Variants in RREB1 observed in about 807,000 individuals in gnomAD.
RREB1 encodes the protein ras-responsive element-binding protein 1.
A neutral mutation model predicts 117.8 loss-of-function variants in RREB1; 27 were observed. The observed-to-expected ratio is 0.23, with a 90% CI of 0.17 to 0.32. The LOEUF is 0.32. RREB1 is among the 10% of genes least tolerant of loss of function. The pLI is 1.00. For missense variants in RREB1, 2,577 were observed against 2,378.2 expected (o/e 1.08, Z -1.74); for synonymous variants, 1,298 against 1,026.7 (o/e 1.26, Z -5.05).
intron 8 of RREB1, chr6:7,219,230 A>G (rs531304613): frequency 7.2e-5 from 11 of 152,032 alleles, no homozygotes; most frequent in African/African-American, 2.2e-4. Flanking sequence ...AGATCGCACC[A>G]CTGCACTCCC....
intron 6 of RREB1, among the ~76,000 whole-genome samples, chr6:7,206,577 C>A (rs1037517252): frequency 2.0e-5 from 3 of 152,146 alleles, no homozygotes; most frequent in African/African-American, 7.2e-5. Context: ...CAGGTTCTTG[C>A]TGTAATGGAA....
chr6:7,215,608 G>A (rs1238351323), intron 8 of RREB1: 1 of 152,230 alleles, frequency 6.6e-6, no homozygotes, highest in East Asian at 1.9e-4. Context: ...CCAAAGTGCT[G>A]GGATTGTAGG....
chr6:7,109,640 G>A (rs562570152), intron 1 of RREB1, among the ~76,000 whole-genome samples: 3 of 152,362 alleles, frequency 2.0e-5, no homozygotes, highest in African/African-American at 7.2e-5. Context: ...TATAAAAGAG[G>A]AGGAAAGTAT....
chr6:7,170,522 G>A (rs1287554867), intron 1 of RREB1, among the ~76,000 whole-genome samples: 1 of 152,188 alleles, frequency 6.6e-6, no homozygotes, highest in African/African-American at 2.4e-5. Flanking sequence ...CACAGGCTTG[G>A]CAACTGCTGT....
Position 7,120,104 on chromosome 6 carries a change from G to C in RREB1, c.-285+12044G>C, listed in dbSNP as rs113999075. Among the ~76,000 whole-genome samples the C allele has an allele frequency of 2.4e-3, 331 of 135,860 alleles. 2 individuals are homozygous for C. Among genetic ancestry groups the C allele is most frequent in the African/African-American group, 7.7e-3 (280 of 36,250 alleles). 89.1% of individuals were successfully genotyped at this position (135,860 alleles called of 152,430 possible). A position where few individuals can be genotyped will look rare whatever the true frequency, so the allele number is the denominator to read the frequency against. On this transcript the variant is annotated intron_variant, in intron 1 of 12. Transcript: ENST00000379938. ...ATTTATGTCCCCACCCCCACCCCCC[G>C]CCCGCCTTTTTTAGCTATTTCTTTA...
At chr6:7,220,373 G>A (rs367623109) in intron 8 of RREB1, among the ~76,000 whole-genome samples, 54 of 152,238 alleles carry the variant, frequency 3.5e-4, no homozygotes, top group African/African-American at 1.2e-3. Context: ...TTTGGATTCC[G>A]TGTGTAATCT....
intron 1 of RREB1, among the ~76,000 whole-genome samples, chr6:7,138,141 AAAG>A (rs747457580): frequency 2.0e-5 from 3 of 152,244 alleles, no homozygotes; most frequent in Admixed American, 6.5e-5. Flanking sequence ...GAAAAAAAGA[AAAG>A]AAAGAAAAAG....
chr6:7,245,907 C>T (rs1051213477), intron 11 of RREB1, among the ~76,000 whole-genome samples: 1 of 152,200 alleles, frequency 6.6e-6, no homozygotes, highest in Non-Finnish European at 1.5e-5. Flanking sequence ...GCATACCATA[C>T]ACACACAACG....
At chr6:7,113,323 A>G (rs1261767994) in intron 1 of RREB1, among the ~76,000 whole-genome samples, 1 of 152,134 alleles carries the variant, frequency 6.6e-6, no homozygotes, top group Non-Finnish European at 1.5e-5. Context: ...GTTTTTCTCT[A>G]GTTTGCTTGG....
At chr6:7,201,955 G>A (rs1374640993) in intron 6 of RREB1, among the ~76,000 whole-genome samples, 5 of 152,010 alleles carry the variant, frequency 3.3e-5, no homozygotes, top group African/African-American at 1.2e-4. Flanking sequence ...ATGTCCATCC[G>A]TTTTAGATAA....
At position 7,147,448 on chromosome 6, in the gene RREB1, G is replaced by A. The variant is rs116682982; in HGVS notation, c.-284-29207G>A. Among the ~76,000 whole-genome samples, 546 of 152,220 alleles carry A rather than the reference G, an allele frequency of 3.6e-3. 4 individuals carry two copies. Among genetic ancestry groups the A allele is most frequent in the African/African-American group, 0.012 (498 of 41,520 alleles). On this transcript the variant is annotated intron_variant, in intron 1 of 12. Coordinates refer to ENST00000379938, the MANE Select transcript of RREB1 (RefSeq NM_001003699.4). ...CTTACTGCCTTTCTTCTCAGGCCAC[G>A]TGTGTAGATAACCTTTGAGGAAAAG...
In RREB1 at chr6:7,182,066, T is replaced by G. The variant is rs766196916; in HGVS notation, c.155T>G (p.Ile52Ser). The G allele has an allele frequency of 5.6e-6, 9 of 1,613,956 alleles. No individual in the cohort carries two copies. In the South Asian group the frequency reaches 9.9e-5, roughly 18 times the overall value. ...SPSKPPGPNR[I>S]GRRNQETKEE... ...TCGAAGCCTCCAGGACCAAATCGGA[T>G]TGGCAGAAGGAACCAGGTAAGTGTT... is the stretch of plus-strand genomic sequence containing the variant. Residue 52 changes from isoleucine to serine, a missense_variant, in exon 4 of 13, where the codon ATT (isoleucine) becomes AGT (serine). By Grantham distance (142) the Ile-to-Ser change is moderately radical (BLOSUM62 -2). Transcript: ENST00000379938.
intron 8 of RREB1, chr6:7,217,940 T>G (rs1478143304): frequency 1.3e-5 from 2 of 152,182 alleles, no homozygotes; most frequent in African/African-American, 4.8e-5. Flanking sequence ...AACAGCTGTT[T>G]TTATCTAGTT....
intron 11 of RREB1, among the ~76,000 whole-genome samples, chr6:7,242,592 T>A (rs1192794614): frequency 2.0e-5 from 3 of 150,694 alleles, no homozygotes; most frequent in African/African-American, 7.3e-5. Flanking sequence ...AGGAGGATTT[T>A]AAAATGCAGA....
chr6:7,233,650 C>G (rs1253632853), intron 10 of RREB1, among the ~76,000 whole-genome samples: 1 of 151,924 alleles, frequency 6.6e-6, no homozygotes, highest in African/African-American at 2.4e-5. Flanking sequence ...GTGGGTTTTT[C>G]TTTTTGCGCT....
intron 1 of RREB1, among the ~76,000 whole-genome samples, chr6:7,163,603 C>G (rs1323189574): frequency 6.6e-6 from 1 of 152,074 alleles, no homozygotes; most frequent in Non-Finnish European, 1.5e-5. Context: ...ACCGTGTTAG[C>G]CAGGATGGTC....
At chr6:7,177,060 TAAAA>T (rs577181680) in intron 2 of RREB1, among the ~76,000 whole-genome samples, 1 of 149,700 alleles carries the variant, frequency 6.7e-6, no homozygotes, top group African/African-American at 2.5e-5. Flanking sequence ...CTACTAAAAA[TAAAA>T]AAAAATTAGC....
chr6:7,198,185 GT>G (rs1248760308), intron 6 of RREB1, among the ~76,000 whole-genome samples: 1 of 152,162 alleles, frequency 6.6e-6, no homozygotes, highest in Admixed American at 6.6e-5. Context: ...AAGGGTGGAG[GT>G]GACCACTCAA....
intron 1 of RREB1, among the ~76,000 whole-genome samples, chr6:7,146,525 T>C (rs1028935324): frequency 3.3e-5 from 5 of 152,174 alleles, no homozygotes; most frequent in African/African-American, 1.2e-4. Flanking sequence ...TAGCTCTGAC[T>C]TAGGGGACGT....
Sources: allele counts gnomAD v4.1 joint callset (sites outside exome capture counted in the v4.1 genomes callset), GRCh38; gene constraint gnomAD v4.1.1; transcripts MANE v1.5; gene names NCBI Gene and HGNC (gene_info 2026-07-23, HGNC 2026-07-21).